Variants in SLCO3A1 observed in about 807,000 individuals in gnomAD.
The protein encoded by SLCO3A1 is solute carrier organic anion transporter family member 3A1, also known as PGE1 transporter.
SLCO3A1 carries 27 observed loss-of-function variants against 63.1 expected under a neutral mutation model. The ratio of observed to expected loss-of-function variants is 0.43; its 90% CI spans 0.32 to 0.59. The LOEUF (loss-of-function observed/expected upper bound fraction) is 0.59. SLCO3A1 is among the 20% of genes least tolerant of loss of function. The pLI, the probability that SLCO3A1 is intolerant of heterozygous loss-of-function variation, is 0.09. For synonymous variants in SLCO3A1, 473 were observed against 409.9 expected (o/e 1.15, Z -1.86); for missense variants, 773 against 945.8 (o/e 0.82, Z 2.40).
At position 92,104,051 on chromosome 15, in the gene SLCO3A1, C is replaced by G. The variant is rs943100198; in HGVS notation, c.746-228C>G. On this transcript the variant is annotated intron_variant, in intron 3 of 9. Transcript: ENST00000318445. ...GTTTTTGTTTAGACCGATATAAACA[C>G]AGGGTAGACAAGAAAATTAAGGGGG... Among the ~76,000 whole-genome samples the G allele has an allele frequency of 5.3e-5, 8 of 152,312 alleles. No homozygotes were observed. In the South Asian group the frequency reaches 8.3e-4, roughly 16 times the overall value.
chr15:92,015,951 G>T (rs2046421180), intron 2 of SLCO3A1, among the ~76,000 whole-genome samples: 1 of 152,180 alleles, frequency 6.6e-6, no homozygotes, highest in Non-Finnish European at 1.5e-5. Context: ...AAATGATTTG[G>T]CATGTGGTTG....
intron 9 of SLCO3A1, among the ~76,000 whole-genome samples, chr15:92,161,112 G>A (rs2048431483): frequency 6.6e-6 from 1 of 152,198 alleles, no homozygotes; most frequent in Admixed American, 6.5e-5. Flanking sequence ...GGATCTCAGA[G>A]TTGGCCACAC....
chr15:92,149,141 G>T (rs1221262837), intron 8 of SLCO3A1: 3 of 152,452 alleles, frequency 2.0e-5, no homozygotes, highest in African/African-American at 7.2e-5. Flanking sequence ...CTGACTAGTG[G>T]TGACTACCAA....
chr15:92,137,745 T>G (rs1238950284), intron 7 of SLCO3A1, among the ~76,000 whole-genome samples: 1 of 105,018 alleles, frequency 9.5e-6, no homozygotes, highest in Non-Finnish European at 1.8e-5. Context: ...CATTTTTTCA[T>G]GTGTTTTTTG....
intron 3 of SLCO3A1, among the ~76,000 whole-genome samples, chr15:92,099,634 C>T (rs955648476): frequency 6.6e-6 from 1 of 152,142 alleles, no homozygotes. Context: ...GTGGAAATCT[C>T]CATGAGCCTC....
rs1897382287 is a variant in SLCO3A1, at chr15:91,875,681, TCA to T, written c.180+21596_180+21597del. Among the ~76,000 whole-genome samples the T allele has an allele frequency of 6.6e-6, 1 of 152,290 alleles. No homozygotes were observed. The highest frequency in any genetic ancestry group is 1.9e-4 in the East Asian group (1 of 5,176). ...TTTGCTTTGAAGGTTTTGCCGTAAC[TCA>T]CAATAGAGAAACACAGGATGACTGA... is the stretch of plus-strand genomic sequence containing the variant. On this transcript the variant is annotated intron_variant, in intron 1 of 9. Transcript: ENST00000318445. This position sits in a 1 kb window ranked among gnomAD's most constrained non-coding sequence, Gnocchi z 4.5.
intron 2 of SLCO3A1, 48 bp from the exon 3 acceptor site, chr15:92,094,833 C>A (rs57363993): frequency 1.6e-6 from 2 of 1,250,416 alleles, no homozygotes; most frequent in South Asian, 1.2e-5. Context: ...TTTTGCTCAT[C>A]GAATAGCTTC....
At chr15:92,151,099 C>G (rs2151593206) in intron 9 of SLCO3A1, 85 bp downstream of exon 9, 2 of 917,596 alleles carry the variant, frequency 2.2e-6, no homozygotes, top group African/African-American at 1.7e-5. Flanking sequence ...ATCCCATTTC[C>G]TAGGTCTGTC....
intron 7 of SLCO3A1, among the ~76,000 whole-genome samples, chr15:92,137,982 G>T (rs2048080588): frequency 1.7e-5 from 2 of 116,850 alleles, no homozygotes; most frequent in African/African-American, 4.3e-5. Flanking sequence ...AGTTTAATTA[G>T]ATCCCATTTG....
At chr15:91,927,466 T>C (rs1369295566) in intron 2 of SLCO3A1, among the ~76,000 whole-genome samples, 1 of 152,142 alleles carries the variant, frequency 6.6e-6, no homozygotes, top group Admixed American at 6.5e-5. Context: ...TAAACAATTC[T>C]GGGGACATGA....
At chr15:92,097,288 A>C (rs1034987645) in intron 3 of SLCO3A1, among the ~76,000 whole-genome samples, 2 of 152,204 alleles carry the variant, frequency 1.3e-5, no homozygotes, top group Non-Finnish European at 2.9e-5. Context: ...ATGTATCTCT[A>C]TAAAACCCCG....
At chr15:92,150,806 T>A in intron 8 of SLCO3A1, 144 bp from the exon 9 acceptor site, 3 of 530,910 alleles carry the variant, frequency 5.7e-6, no homozygotes, top group Non-Finnish European at 9.9e-6. Context: ...AAAAAGACAC[T>A]ATTAGTAATT....
chr15:91,986,267 C>T (rs918403267), intron 2 of SLCO3A1, among the ~76,000 whole-genome samples: 1 of 152,104 alleles, frequency 6.6e-6, no homozygotes. Context: ...AAAGAGCCTC[C>T]CTGGCTTCCT....
At chr15:92,025,728 G>A (rs182730150) in intron 2 of SLCO3A1, among the ~76,000 whole-genome samples, 1 of 152,174 alleles carries the variant, frequency 6.6e-6, no homozygotes, top group African/African-American at 2.4e-5. Flanking sequence ...GGATGATCTG[G>A]GACTCTCTTC....
chr15:92,065,855 G>A (rs976069494), intron 2 of SLCO3A1, among the ~76,000 whole-genome samples: 1 of 152,208 alleles, frequency 6.6e-6, no homozygotes, highest in African/African-American at 2.4e-5. Flanking sequence ...TGGAGAAGAA[G>A]TTATGTGCTG....
intron 1 of SLCO3A1, among the ~76,000 whole-genome samples, chr15:91,867,317 A>G (rs926573165): frequency 2.0e-5 from 3 of 152,198 alleles, no homozygotes; most frequent in African/African-American, 7.2e-5. Context: ...AAGGGGCTGA[A>G]GGATGCAGAA....
intron 2 of SLCO3A1, among the ~76,000 whole-genome samples, chr15:92,080,938 CTGTGTGTG>C (rs542459686): frequency 0.037 from 4,768 of 128,960 alleles, 105 homozygotes; most frequent in Admixed American, 0.059. Flanking sequence ...TACATAGTAG[CTGTGTGTG>C]TGTGTGTGTG....
intron 3 of SLCO3A1, among the ~76,000 whole-genome samples, chr15:92,102,105 C>T (rs1342989456): frequency 6.6e-6 from 1 of 152,130 alleles, no homozygotes; most frequent in Non-Finnish European, 1.5e-5. Context: ...GCCAGCTTTT[C>T]AATTCCCCCT....
intron 2 of SLCO3A1, among the ~76,000 whole-genome samples, chr15:92,054,894 T>C (rs1024710951): frequency 1.3e-5 from 2 of 152,202 alleles, no homozygotes; most frequent in East Asian, 3.8e-4. Context: ...GTATTATGAA[T>C]AGTGCTGCAA....
Sources: gnomAD v4.1 joint callset for allele counts (sites outside exome capture counted in the v4.1 genomes callset) on GRCh38, gnomAD v4.1.1 for gene constraint, Gnocchi (gnomAD v3.1) non-coding constraint, MANE v1.5 for transcripts, NCBI Gene and HGNC (gene_info 2026-07-23, HGNC 2026-07-21) for gene names.